The following ARSF variants were observed in gnomAD, a reference collection of about 807,000 sequenced individuals.
ARSF encodes the protein arylsulfatase F.
Under a neutral mutation model 35.4 loss-of-function variants are expected in ARSF, and 33 were observed. The ratio of observed to expected loss-of-function variants is 0.93; its 90% CI spans 0.71 to 1.25. The LOEUF (loss-of-function observed/expected upper bound fraction) is 1.25. ARSF is among the 50% of genes most tolerant of loss of function. The probability of loss-of-function intolerance (pLI) is 0.00; values close to 1 mark genes in which losing one functional copy is unlikely to be tolerated. For synonymous variants in ARSF, 222 were observed against 193.1 expected (o/e 1.15, Z -1.24); for missense variants, 501 against 480.2 (o/e 1.04, Z -0.40).
At chrX:3,063,223 A>G (rs1387480133) in intron 1 of ARSF, among the ~76,000 whole-genome samples, 1 of 112,020 alleles carries the variant, frequency 8.9e-6, no homozygotes. Context: ...ATCTCAATAG[A>G]TGCAGAAAAG....
At chrX:3,095,953 A>G (rs1401661840) in intron 7 of ARSF, among the ~76,000 whole-genome samples, 1 of 90,162 alleles carries the variant, frequency 1.1e-5, no homozygotes, top group African/African-American at 4.5e-5. Context: ...ATATATATCT[A>G]ACAATATAAC....
chrX:3,064,752 G>T (rs1478174415), intron 1 of ARSF, among the ~76,000 whole-genome samples: 9 of 111,761 alleles, frequency 8.1e-5, no homozygotes, highest in Admixed American at 9.5e-5. Flanking sequence ...ACCACACTGA[G>T]ATACCATCTC....
At chrX:3,050,044 T>C (rs1266222470) in intron 1 of ARSF, among the ~76,000 whole-genome samples, 4 of 109,939 alleles carry the variant, frequency 3.6e-5, no homozygotes, top group Admixed American at 2.0e-4. Flanking sequence ...GTATTTTTAG[T>C]AGAGACGAAG....
intron 1 of ARSF, among the ~76,000 whole-genome samples, chrX:3,057,835 G>A (rs897503151): frequency 3.6e-5 from 4 of 111,579 alleles, no homozygotes; most frequent in Admixed American, 2.9e-4. Flanking sequence ...AAAATACATA[G>A]AAAAGCTATG....
intron 7 of ARSF, among the ~76,000 whole-genome samples, chrX:3,095,008 G>A (rs946542206): frequency 9.3e-6 from 1 of 107,585 alleles, no homozygotes; most frequent in Admixed American, 1.0e-4. Context: ...AGAAAGGTAC[G>A]AATCATTTCC....
intron 7 of ARSF, among the ~76,000 whole-genome samples, chrX:3,090,561 A>G (rs1024019133): frequency 2.7e-5 from 3 of 112,049 alleles, no homozygotes; most frequent in Non-Finnish European, 3.8e-5. Context: ...CCAGCTACTT[A>G]GGAGACTGAA....
Position 3,112,672 on chromosome X carries a change from A to G in ARSF, c.*116A>G. 1.0e-6 allele frequency: 1 copy of G among 999,426 alleles called. No homozygotes were observed. The highest frequency in any genetic ancestry group is 3.4e-5 in the East Asian group (1 of 29,330). The allele number at this position is 999,426 out of a possible 1,213,427, so 82.4% of individuals were successfully genotyped here. The stretch of plus-strand genomic sequence containing the variant: ...TTCAAGTTGGCAAGGAGTGCATTTA[A>G]TAGTCAATAAATTCATCTACCATTC... On this transcript the variant is annotated 3_prime_UTR_variant, in exon 11 of 11. Transcript: ENST00000381127.
intron 7 of ARSF, among the ~76,000 whole-genome samples, chrX:3,091,961 AGAT>A (rs2090294790): frequency 9.0e-6 from 1 of 111,328 alleles, no homozygotes; most frequent in Non-Finnish European, 1.9e-5. Context: ...ACAGAGAGAC[AGAT>A]GATAGATTGA....
intron 10 of ARSF, among the ~76,000 whole-genome samples, chrX:3,110,516 T>C (rs192520681): frequency 1.8e-5 from 2 of 112,585 alleles, no homozygotes; most frequent in East Asian, 5.6e-4. Flanking sequence ...ATCTATGCAA[T>C]TTTTACTTAT....
chrX:3,060,438 G>A lies in ARSF; in HGVS notation c.-28-7635G>A, dbSNP rs546246000. 3.0e-3 allele frequency among the ~76,000 whole-genome samples: 331 copies of A among 112,020 alleles called. 1 individual carries two copies. Among genetic ancestry groups the A allele is most frequent in the South Asian group, 0.018 (49 of 2,671 alleles). On this transcript the variant is annotated intron_variant, in intron 1 of 10. Coordinates refer to ENST00000381127, the MANE Select transcript of ARSF (RefSeq NM_001201539.2). ...AGGGTTGCAGCTCCTCACGAGCAAC[G>A]GAAGAAAGCTGGATGGAGAATGACT...
chrX:3,076,864 G>T (rs779039084), intron 4 of ARSF, among the ~76,000 whole-genome samples, 195 bp downstream of exon 4: 2 of 111,780 alleles, frequency 1.8e-5, no homozygotes, highest in Non-Finnish European at 3.8e-5. Context: ...GGGCAACAGA[G>T]CAAGACCCCA....
chrX:3,078,939 A>T (rs1201745127), intron 4 of ARSF, among the ~76,000 whole-genome samples: 4 of 110,178 alleles, frequency 3.6e-5, no homozygotes, highest in Non-Finnish European at 7.6e-5. Flanking sequence ...ATCACTCCCC[A>T]TTCCCCCTTC....
At chrX:3,094,471 G>C (rs2090326077) in intron 7 of ARSF, among the ~76,000 whole-genome samples, 1 of 112,404 alleles carries the variant, frequency 8.9e-6, no homozygotes, top group Non-Finnish European at 1.9e-5. Context: ...TTTCATTGGA[G>C]ATACCACCCT....
intron 1 of ARSF, chrX:3,058,541 A>G: frequency 3.2e-6 from 1 of 312,707 alleles, no homozygotes; most frequent in South Asian, 3.0e-5. Context: ...GAGTCAGAAA[A>G]GGCAGAACAT....
At chrX:3,078,789 C>T (rs1316790711) in intron 4 of ARSF, among the ~76,000 whole-genome samples, 9 of 111,429 alleles carry the variant, frequency 8.1e-5, no homozygotes, top group Admixed American at 5.7e-4. Context: ...CATGAGCCAC[C>T]GTGCCTGGCC....
In ARSF at chrX:3,096,703, T is replaced by C. The variant is rs1260519609; in HGVS notation, c.968-4384T>C. 3.6e-5 allele frequency among the ~76,000 whole-genome samples: 4 copies of C among 111,891 alleles called. No individual in the cohort carries two copies. The East Asian group carries it at 1.1e-3, about 31-fold the overall frequency. ...TCAATGAAGCAGAAAATAATAGCCT[T>C]AGAGCAGGTCTGGGAAAGAGAAGGA... On this transcript the variant is annotated intron_variant, in intron 7 of 10. Coordinates refer to ENST00000381127, the MANE Select transcript of ARSF (RefSeq NM_001201539.2).
chrX:3,075,590 G>T (rs1409020465), intron 3 of ARSF, among the ~76,000 whole-genome samples: 1 of 102,322 alleles, frequency 9.8e-6, no homozygotes, highest in Non-Finnish European at 2.0e-5. Context: ...CCCTCTCTTT[G>T]TCTATCTCAT....
rs186997660 is a variant in ARSF at position 3,076,386 on chromosome X, C to G, written c.162-162C>G. ...TTTCTGTCTGTCTCTCTCTCTGCCTCGCTTTCTGGGTCTCTCCCTCTCTCC... is the reference window on the plus strand; with the variant it reads ...TTTCTGTCTGTCTCTCTCTCTGCCTGGCTTTCTGGGTCTCTCCCTCTCTCC... On this transcript the variant is annotated intron_variant, in intron 3 of 10. Coordinates refer to ENST00000381127, the MANE Select transcript of ARSF (RefSeq NM_001201539.2). 6.4e-3 allele frequency among the ~76,000 whole-genome samples: 702 copies of G among 109,177 alleles called. 8 individuals are homozygous for G. The highest frequency in any genetic ancestry group is 9.4e-3 in the Middle Eastern group (2 of 212). 94.8% of individuals were successfully genotyped at this position (109,177 alleles called of 115,157 possible).
At chrX:3,055,738 G>T (rs1401813721) in intron 1 of ARSF, among the ~76,000 whole-genome samples, 2 of 111,103 alleles carry the variant, frequency 1.8e-5, no homozygotes, top group Admixed American at 9.6e-5. Flanking sequence ...CTGAGGGTCT[G>T]TCGTTGAATC....
Sources: allele counts gnomAD v4.1 joint callset (sites outside exome capture counted in the v4.1 genomes callset), GRCh38; gene constraint gnomAD v4.1.1; transcripts MANE v1.5; gene names NCBI Gene and HGNC (gene_info 2026-07-23, HGNC 2026-07-21).